PIGK: variants seen among roughly 807,000 people sequenced by gnomAD.
The protein encoded by PIGK is phosphatidylinositol glycan anchor biosynthesis class K.
In PIGK, 42 loss-of-function variants were observed where a neutral mutation model predicts 50.6. That is an observed-to-expected ratio of 0.83 (90% CI 0.65 to 1.07). The LOEUF (loss-of-function observed/expected upper bound fraction) is 1.07. PIGK is among the 50% of genes least tolerant of loss of function. PIGK has a pLI of 0.00. For synonymous variants in PIGK, 151 were observed against 156.0 expected (o/e 0.97, Z 0.24); for missense variants, 448 against 488.7 (o/e 0.92, Z 0.78).
intron 3 of PIGK, among the ~76,000 whole-genome samples, chr1:77,192,814 T>C (rs1483738169): frequency 6.6e-6 from 1 of 152,176 alleles, no homozygotes; most frequent in Non-Finnish European, 1.5e-5. Context: ...AGGACTAAAA[T>C]ACATTAGTCC....
At chr1:77,179,803 C>T (rs1215919130) in intron 3 of PIGK, among the ~76,000 whole-genome samples, 2 of 152,118 alleles carry the variant, frequency 1.3e-5, no homozygotes, top group African/African-American at 4.8e-5. Context: ...GTATGTTGTA[C>T]ACTATGTAAT....
chr1:77,092,699 A>G (rs536902790), intron 10 of PIGK, among the ~76,000 whole-genome samples: 103 of 152,246 alleles, frequency 6.8e-4, no homozygotes, highest in African/African-American at 2.4e-3. Context: ...AACAAAGATC[A>G]GTTTCAGCTT....
chr1:77,176,873 A>G (rs1655500662), intron 3 of PIGK, among the ~76,000 whole-genome samples: 1 of 152,236 alleles, frequency 6.6e-6, no homozygotes, highest in Non-Finnish European at 1.5e-5. Flanking sequence ...AAAGTTATGC[A>G]TTCCAAAACA....
chr1:77,193,360 C>A (rs1163043257), intron 3 of PIGK, among the ~76,000 whole-genome samples: 1 of 151,524 alleles, frequency 6.6e-6, no homozygotes, highest in Admixed American at 6.6e-5. Context: ...AGCAGAATAT[C>A]CACCTTTGCG....
At position 77,176,288 on chromosome 1, in the gene PIGK, G is replaced by T. The variant is rs111432605; in HGVS notation, c.240-6893C>A. 4.7e-3 allele frequency among the ~76,000 whole-genome samples: 715 copies of T among 152,112 alleles called. 4 individuals are homozygous for T. Among genetic ancestry groups the T allele is most frequent in the Middle Eastern group, 0.027 (8 of 294 alleles). On this transcript the variant is annotated intron_variant, in intron 3 of 10. Transcript: ENST00000370812. Reference sequence around the variant, plus strand: ...CTCTAACTTTGGGATGCTACAGAGGGCCCCTGAAGAATCCAAAAGACAGGT... The same window carrying T: ...CTCTAACTTTGGGATGCTACAGAGGTCCCCTGAAGAATCCAAAAGACAGGT...
chr1:77,165,294 C>A (rs1279324398), intron 5 of PIGK, among the ~76,000 whole-genome samples: 1 of 151,864 alleles, frequency 6.6e-6, no homozygotes, highest in Non-Finnish European at 1.5e-5. Context: ...ATCTTGTTTG[C>A]CATAAAAGCT....
At chr1:77,180,239 A>G (rs1318777276) in intron 3 of PIGK, among the ~76,000 whole-genome samples, 1 of 152,190 alleles carries the variant, frequency 6.6e-6, no homozygotes, top group African/African-American at 2.4e-5. Context: ...CCTATTTCAC[A>G]AAACACAGCA....
At chr1:77,143,021 C>T (rs947288376) in intron 9 of PIGK, among the ~76,000 whole-genome samples, 4 of 152,036 alleles carry the variant, frequency 2.6e-5, no homozygotes, top group African/African-American at 9.7e-5. Flanking sequence ...ACCATTATGC[C>T]AACAAAAATT....
At chr1:77,138,662 T>C (rs1654576621) in intron 9 of PIGK, among the ~76,000 whole-genome samples, 1 of 152,226 alleles carries the variant, frequency 6.6e-6, no homozygotes, top group African/African-American at 2.4e-5. Flanking sequence ...TAGCTTGTTA[T>C]ACAGCAGTAG....
At chr1:77,195,333 G>C in intron 3 of PIGK, 10 of 1,307,290 alleles carry the variant, frequency 7.6e-6, no homozygotes, top group Non-Finnish European at 7.6e-6. Flanking sequence ...AGACCACCAA[G>C]TTGAGCCAGC....
At chr1:77,112,437 G>A (rs780709428) in intron 10 of PIGK, among the ~76,000 whole-genome samples, 17 of 152,008 alleles carry the variant, frequency 1.1e-4, no homozygotes, top group Admixed American at 2.0e-4. Flanking sequence ...GAGATCCCCC[G>A]TTACCAGTGA....
chr1:77,119,744 C>A (rs1275106629), intron 10 of PIGK, among the ~76,000 whole-genome samples: 1 of 152,178 alleles, frequency 6.6e-6, no homozygotes, highest in East Asian at 1.9e-4. Context: ...AGCCTCTGTC[C>A]CTGCTTTGAA....
intron 10 of PIGK, among the ~76,000 whole-genome samples, chr1:77,118,047 C>T (rs1654018390): frequency 6.6e-6 from 1 of 152,148 alleles, no homozygotes; most frequent in Non-Finnish European, 1.5e-5. Context: ...ATTCTAACAT[C>T]ATTAATGAAC....
intron 9 of PIGK, among the ~76,000 whole-genome samples, chr1:77,133,491 T>A (rs1028837157): frequency 5.3e-5 from 8 of 152,294 alleles, no homozygotes; most frequent in Admixed American, 5.2e-4. Flanking sequence ...TGCTTCTATA[T>A]TCTGTGTTTT....
rs559794320 is a variant in PIGK, at chr1:77,184,342, A to G, written c.240-14947T>C. On this transcript the variant is annotated intron_variant, in intron 3 of 10. Transcript: ENST00000370812. ...ACAGAGAATCATGGCCCCTCAATCA[A>G]TTTGCAGACTTGAGCCAGTTTACAG... 2.4e-4 allele frequency among the ~76,000 whole-genome samples: 36 copies of G among 152,256 alleles called. 1 individual carries two copies. The highest frequency in any genetic ancestry group is 8.2e-4 in the African/African-American group (34 of 41,554).
intron 10 of PIGK, among the ~76,000 whole-genome samples, chr1:77,093,798 C>CA (rs1327754447): frequency 1.3e-5 from 2 of 152,064 alleles, no homozygotes; most frequent in African/African-American, 4.8e-5. Context: ...TTCCACTCAA[C>CA]ATGTGTGATG....
chr1:77,150,206 A>C (rs1043861472), intron 9 of PIGK, among the ~76,000 whole-genome samples: 5 of 152,080 alleles, frequency 3.3e-5, no homozygotes, highest in Admixed American at 1.3e-4. Flanking sequence ...AACAAATCCA[A>C]AATTAGTAGA....
intron 10 of PIGK, among the ~76,000 whole-genome samples, chr1:77,093,900 TAC>T (rs1214869536): frequency 6.6e-6 from 1 of 152,192 alleles, no homozygotes; most frequent in Admixed American, 6.5e-5. Flanking sequence ...TCTTGGAAGT[TAC>T]AGTGCTTTCT....
chr1:77,135,560 G>T (rs1031057390), intron 9 of PIGK, among the ~76,000 whole-genome samples: 3 of 151,670 alleles, frequency 2.0e-5, no homozygotes, highest in Non-Finnish European at 2.9e-5. Context: ...ATGCAGTATT[G>T]TTATAAACTA....
Sources: gnomAD v4.1 joint callset for allele counts (sites outside exome capture counted in the v4.1 genomes callset) on GRCh38, gnomAD v4.1.1 for gene constraint, MANE v1.5 for transcripts, NCBI Gene and HGNC (gene_info 2026-07-23, HGNC 2026-07-21) for gene names.